WBP4: variants seen among roughly 807,000 people sequenced by gnomAD.
The protein encoded by WBP4 is WW domain binding protein 4.
Under a neutral mutation model 55.4 loss-of-function variants are expected in WBP4, and 37 were observed. The observed-to-expected ratio is 0.67, with a 90% confidence interval of 0.51 to 0.88. WBP4 has a LOEUF of 0.88. Ranked by LOEUF, WBP4 falls within the 40% of genes least tolerant of loss-of-function variation. The probability of loss-of-function intolerance (pLI) is 0.00; values close to 1 mark genes in which losing one functional copy is unlikely to be tolerated. For synonymous variants in WBP4, 142 were observed against 140.2 expected, an observed-to-expected ratio of 1.01 and a Z score of -0.09; for missense variants, 398 against 420.8, an observed-to-expected ratio of 0.95 and a Z score of 0.47.
intron 5 of WBP4, among the ~76,000 whole-genome samples, chr13:41,070,145 C>T (rs192378170): frequency 8.7e-4 from 132 of 152,186 alleles, no homozygotes; most frequent in African/African-American, 2.6e-3. Flanking sequence ...TATGGGAACT[C>T]ATAATAATGT....
At position 41,083,004 on chromosome 13, in the gene WBP4, T is replaced by A; in HGVS notation, c.*90T>A. On this transcript the variant is annotated 3_prime_UTR_variant, in exon 10 of 10. Transcript: ENST00000379487. ...CTGTGTTTGTTTGTAAGTATTATGA[T>A]GCTAAAAATTTAGATTTATTCTAAA... 8.6e-7 allele frequency: 1 copy of A among 1,164,028 alleles called. No individual in the cohort carries two copies. The highest frequency in any genetic ancestry group is 1.6e-5 in the African/African-American group (1 of 63,810). The allele number at this position is 1,164,028 out of a possible 1,614,324, so 72.1% of individuals were successfully genotyped here.
At chr13:41,066,232 A>G (rs1339057822) in intron 4 of WBP4, among the ~76,000 whole-genome samples, 1 of 152,216 alleles carries the variant, frequency 6.6e-6, no homozygotes, top group Non-Finnish European at 1.5e-5. Context: ...ACATTCCATT[A>G]TGCTGCCCTT....
At chr13:41,062,096 GTT>G (rs60658317) in intron 1 of WBP4, 25,340 of 769,842 alleles carry the variant, frequency 0.033, no homozygotes, top group South Asian at 0.047. Flanking sequence ...TAGCGTAATG[GTT>G]TTTTTTTTTT....
chr13:41,063,653 A>C (rs1409950296), intron 2 of WBP4, among the ~76,000 whole-genome samples: 1 of 152,174 alleles, frequency 6.6e-6, no homozygotes, highest in Non-Finnish European at 1.5e-5. Context: ...AGAGTAAGTA[A>C]TCCCTTCCAG....
At position 41,083,632 on chromosome 13, in the gene WBP4, A is replaced by T. The variant is rs571573526; in HGVS notation, c.*718A>T. 5.9e-5 allele frequency: 9 copies of T among 152,380 alleles called. No homozygotes were observed. The highest frequency in any genetic ancestry group is 1.0e-4 in the Non-Finnish European group (7 of 68,060). The allele number at this position is 152,380 out of a possible 1,614,324, so 9.4% of individuals were successfully genotyped here. On this transcript the variant is annotated 3_prime_UTR_variant, in exon 10 of 10. Transcript: ENST00000379487. ...GTTCTTCAGGAGTTCACATTCTAGC[A>T]TATGCCTTTTTTCCCCCAGTCATGC... is the stretch of plus-strand genomic sequence containing the variant.
chr13:41,072,777 A>T lies in WBP4; in HGVS notation c.487-5A>T, dbSNP rs761616536. ...GTTTATGCTGGGTTTTTTTCCTCCT[A>T]TTAGACAGCAGTGAAGACCGTTTGG... On this transcript the variant is annotated splice_region_variant and splice_polypyrimidine_tract_variant and intron_variant, in intron 6 of 9. Coordinates refer to ENST00000379487, the MANE Select transcript of WBP4 (RefSeq NM_007187.5). 2.5e-6 allele frequency: 4 copies of T among 1,612,618 alleles called. No homozygotes were observed. In the Admixed American group the frequency reaches 6.7e-5, roughly 27 times the overall value.
At chr13:41,061,710 T>G (rs1388440292) in intron 1 of WBP4, 35 bp downstream of exon 1, 21 of 1,613,632 alleles carry the variant, frequency 1.3e-5, no homozygotes, top group African/African-American at 6.7e-5. Flanking sequence ...CAACGAGGTG[T>G]TGTTTCTCTG....
Position 41,072,971 on chromosome 13 carries a change from T to C in WBP4, c.562+114T>C. The C allele has an allele frequency of 9.7e-6, 7 of 723,442 alleles. No individual in the cohort carries two copies. In the South Asian group the frequency reaches 1.5e-4, roughly 15 times the overall value. The allele number at this position is 723,442 out of a possible 1,614,324, so 44.8% of individuals were successfully genotyped here. The stretch of plus-strand genomic sequence containing the variant: ...TTTTAGTATACAATAAACATATTTG[T>C]GTAGTAAACATGAATTATTTTTTGT... On this transcript the variant is annotated intron_variant, in intron 7 of 9. Coordinates refer to ENST00000379487, the MANE Select transcript of WBP4 (RefSeq NM_007187.5).
intron 5 of WBP4, 66 bp from the exon 6 acceptor site, chr13:41,071,461 A>G: frequency 6.8e-7 from 1 of 1,467,002 alleles, no homozygotes; most frequent in East Asian, 2.3e-5. Context: ...AATTTTGTCC[A>G]AATTTTTTGG....
At chr13:41,082,646 A>G in intron 9 of WBP4, 58 bp from the exon 10 acceptor site, 2 of 1,514,926 alleles carry the variant, frequency 1.3e-6, no homozygotes, top group Admixed American at 1.8e-5. Context: ...GGCATTGGTT[A>G]TATGAAAACG....
rs200065510 is a variant in WBP4 at position 41,066,520 on chromosome 13, TG to T, written c.262+1234del. ...GTATCTTTTCTTTTAATTAGGGAGA[TG>T]TATCATTTTTATATGGTAGGAGCAG... is the stretch of plus-strand genomic sequence containing the variant. On this transcript the variant is annotated intron_variant, in intron 4 of 9. Transcript: ENST00000379487. Among the ~76,000 whole-genome samples the T allele has an allele frequency of 2.7e-3, 416 of 152,294 alleles. 8 individuals are homozygous for T. In the East Asian group the frequency reaches 0.049, roughly 18 times the overall value.
intron 2 of WBP4, 29 bp downstream of exon 2, chr13:41,062,745 A>T (rs762002355): frequency 6.3e-7 from 1 of 1,587,864 alleles, no homozygotes; most frequent in South Asian, 1.1e-5. Context: ...TAGAGATTCT[A>T]ATAATAATTG....
At chr13:41,081,676 C>T (rs1878785596) in intron 9 of WBP4, among the ~76,000 whole-genome samples, 1 of 151,406 alleles carries the variant, frequency 6.6e-6, no homozygotes, top group Admixed American at 6.6e-5. Context: ...CAGGCAGGTG[C>T]AGTGGCCCAC....
chr13:41,062,112 T>TG (rs1337326404), intron 1 of WBP4: 42 of 973,418 alleles, frequency 4.3e-5, no homozygotes, highest in African/African-American at 5.6e-5. Flanking sequence ...TTTTTTTTTT[T>TG]TTTTTTTTTT....
chr13:41,078,267 C>G (rs1010992592), intron 8 of WBP4, among the ~76,000 whole-genome samples: 2 of 152,202 alleles, frequency 1.3e-5, no homozygotes, highest in African/African-American at 4.8e-5. Flanking sequence ...ATAACCAAAA[C>G]AGCACAGTAC....
chr13:41,069,866 G>A (rs1292244282), intron 5 of WBP4, among the ~76,000 whole-genome samples: 5 of 133,538 alleles, frequency 3.7e-5, no homozygotes, highest in Non-Finnish European at 3.2e-5. Context: ...CAACAAGAGC[G>A]AAAGTCCATC....
At chr13:41,073,223 T>C (rs1878324989) in intron 7 of WBP4, among the ~76,000 whole-genome samples, 1 of 152,180 alleles carries the variant, frequency 6.6e-6, no homozygotes, top group Non-Finnish European at 1.5e-5. Context: ...TTTTTAAAAA[T>C]AAAACTGTGG....
intron 7 of WBP4, among the ~76,000 whole-genome samples, chr13:41,073,969 C>T (rs1349437409): frequency 1.4e-5 from 2 of 147,874 alleles, no homozygotes; most frequent in Non-Finnish European, 3.0e-5. Context: ...GTCTTGCTAT[C>T]GTCCAGGCTG....
intron 7 of WBP4, among the ~76,000 whole-genome samples, chr13:41,075,804 G>A (rs1389903683): frequency 1.3e-5 from 2 of 151,978 alleles, no homozygotes; most frequent in African/African-American, 2.4e-5. Flanking sequence ...CCAGTTCTTA[G>A]GTCTCTCATT....
Sources: gnomAD v4.1 joint callset for allele counts (sites outside exome capture counted in the v4.1 genomes callset) on GRCh38, gnomAD v4.1.1 for gene constraint, MANE v1.5 for transcripts, NCBI Gene and HGNC (gene_info 2026-07-23, HGNC 2026-07-21) for gene names.